ITGA2B: variants seen among roughly 807,000 people sequenced by gnomAD.
ITGA2B encodes integrin subunit alpha 2b, also known as integrin alpha-IIb.
Under a neutral mutation model 142.0 loss-of-function variants are expected in ITGA2B, and 91 were observed. The ratio of observed to expected loss-of-function variants is 0.64; its 90% CI spans 0.54 to 0.76. ITGA2B has a LOEUF of 0.76. Among genes scored for constraint, ITGA2B ranks in the 30% least tolerant of loss-of-function variants. The pLI is 0.00. For synonymous variants in ITGA2B, 536 were observed against 567.2 expected, an observed-to-expected ratio of 0.94 and a Z score of 0.78; for missense variants, 1,231 against 1,350.8, an observed-to-expected ratio of 0.91 and a Z score of 1.39.
intron 7 of ITGA2B, 67 bp downstream of exon 7, chr17:44,384,881 C>T: frequency 6.2e-7 from 1 of 1,610,166 alleles, no homozygotes; most frequent in Non-Finnish European, 8.5e-7. Context: ...CCCACAGGGG[C>T]AGGACCTGAC....
chr17:44,375,155 AC>A (rs1164774837), intron 26 of ITGA2B, 44 bp from the exon 27 acceptor site: 1 of 1,488,582 alleles, frequency 6.7e-7, no homozygotes, highest in South Asian at 1.2e-5. Context: ...CCGGCCCATC[AC>A]CCCATCATCC....
chr17:44,384,569 C>G lies in ITGA2B; in HGVS notation c.816G>C (p.Val272=), dbSNP rs1488970528. The G allele has an allele frequency of 1.2e-6, 2 of 1,614,094 alleles. No homozygotes were observed. Among genetic ancestry groups the G allele is most frequent in the African/African-American group, 2.7e-5 (2 of 75,058 alleles). ...TGTTGAGATCCCCGTCGAACTCGCC[C>G]ACGGCCACCGAGTACCCTGAGGACA... ...FDGYWGYSVA[V]GEFDGDLNTT... is the part of the protein sequence containing the mutation. The change falls in exon 8 of 30, where the codon GTG becomes GTC. Residue 272 remains valine (V), a synonymous_variant. Coordinates refer to ENST00000262407, the MANE Select transcript of ITGA2B (RefSeq NM_000419.5).
rs1373339618 is a variant in ITGA2B at position 44,375,883 on chromosome 17, G to A, written c.2551C>T (p.Pro851Ser). The A allele has an allele frequency of 6.2e-7, 1 of 1,607,486 alleles. No homozygotes were observed. Among genetic ancestry groups the A allele is most frequent in the Admixed American group, 1.7e-5 (1 of 58,398 alleles). Residue 851 changes from proline to serine, a missense_variant, in exon 25 of 30, where the codon CCC becomes TCC. Around this residue, in one of 3 missense-constraint regions of ITGA2B, gnomAD observed 908 missense variants for 1,021.1 expected, o/e 0.89. Transcript: ENST00000262407. Reference sequence around the variant, plus strand: ...GGGAAGCACTGAAGGCCCCCCTGGGGCTGTATATCCAGGATGTAGAGCAGG... The same window carrying A: ...GGGAAGCACTGAAGGCCCCCCTGGGACTGTATATCCAGGATGTAGAGCAGG... ...SDLLYILDIQ[P>S]QGGLQCFPQP...
At position 44,377,095 on chromosome 17, in the gene ITGA2B, G is replaced by C. The variant is rs850730; in HGVS notation, c.2188-7C>G. 589,346 of 1,559,216 alleles carry C rather than the reference G, an allele frequency of 0.38. 112,269 individuals carry two copies. Among genetic ancestry groups the C allele is most frequent in the East Asian group, 0.43 (18,226 of 42,530 alleles). On this transcript the variant is annotated splice_region_variant and splice_polypyrimidine_tract_variant and intron_variant, in intron 21 of 29. Transcript: ENST00000262407. ...CCAACATCGCGATTCCTATCTGGGA[G>C]ATGAGGAGGGCCAAGGTCACTGCCC...
chr17:44,378,286 C>A, intron 20 of ITGA2B, 76 bp downstream of exon 20: 2 of 1,531,372 alleles, frequency 1.3e-6, no homozygotes. Context: ...GAGGGACTCT[C>A]AGGGAGGGAG....
At chr17:44,384,836 C>A in intron 7 of ITGA2B, 112 bp downstream of exon 7, 1 of 1,544,396 alleles carries the variant, frequency 6.5e-7, no homozygotes, top group Non-Finnish European at 8.9e-7. Flanking sequence ...GCGGCTTAGG[C>A]GGTGGGTTGG....
rs1439606623 is a variant in ITGA2B at position 44,375,113 on chromosome 17, T to C, written c.2728-2A>G. On this transcript the variant is annotated splice_acceptor_variant, in intron 26 of 29. Transcript: ENST00000262407. LOFTEE classifies it high-confidence loss of function. ...AGTACAGGGCGCCGAGTCGCAGCTC[T>C]GAGGGGAAGCATCGTCAGTCCCCAG... 2 of 1,548,506 alleles carry C rather than the reference T, an allele frequency of 1.3e-6. No homozygotes were observed. The highest frequency in any genetic ancestry group is 1.7e-6 in the Non-Finnish European group (2 of 1,146,386).
At chr17:44,376,516 A>G in intron 22 of ITGA2B, 128 bp from the exon 23 acceptor site, 1 of 809,904 alleles carries the variant, frequency 1.2e-6, no homozygotes, top group South Asian at 1.4e-5. Flanking sequence ...CACTGAAGTT[A>G]GACCTGGGAA....
In ITGA2B at chr17:44,385,346, CA is replaced by C; in HGVS notation, c.575-12del. The C allele has an allele frequency of 6.2e-7, 1 of 1,609,008 alleles. No individual in the cohort carries two copies. The highest frequency in any genetic ancestry group is 2.1e-4 in the Middle Eastern group (1 of 4,830). ...AACGCTTGTCCCAGCCTGCAGGAGACAAGGAGGAGGGGTCAGCGCAGGGGTG... is the reference window on the plus strand; with the variant it reads ...AACGCTTGTCCCAGCCTGCAGGAGACAGGAGGAGGGGTCAGCGCAGGGGTG... On this transcript the variant is annotated splice_polypyrimidine_tract_variant and intron_variant, in intron 4 of 29. Coordinates refer to ENST00000262407, the MANE Select transcript of ITGA2B (RefSeq NM_000419.5).
rs2048521105 is a variant in ITGA2B at position 44,374,414 on chromosome 17, C to G, written c.3000G>C (p.Val1000=). The change falls in exon 29 of 30, where the codon GTG becomes GTC. Residue 1000 remains valine (V), a synonymous_variant. Coordinates refer to ENST00000262407, the MANE Select transcript of ITGA2B (RefSeq NM_000419.5). ...LEERAIPIWW[V]LVGVLGGLLL... is the part of the protein sequence containing the mutation. ...GCAGGCCACCCAGCACACCCACCAG[C>G]ACCCACCAGATTGGAATGGCCCTCT... 6.2e-7 allele frequency: 1 copy of G among 1,614,178 alleles called. No individual in the cohort carries two copies.
intron 12 of ITGA2B, 21 bp from the exon 13 acceptor site, chr17:44,381,082 G>A (rs763105202): frequency 2.1e-5 from 34 of 1,611,034 alleles, no homozygotes; most frequent in Non-Finnish European, 2.9e-5. Flanking sequence ...TAACAGAAAG[G>A]AAGTGGCTGA....
intron 1 of ITGA2B, among the ~76,000 whole-genome samples, chr17:44,386,885 G>A (rs570726238): frequency 6.6e-6 from 1 of 152,324 alleles, no homozygotes; most frequent in African/African-American, 2.4e-5. Flanking sequence ...TTGATCTCCA[G>A]GGCTCAAGCA....
Position 44,386,083 on chromosome 17 carries a change from C to A in ITGA2B, c.237G>T (p.Glu79Asp), listed in dbSNP as rs1434720400. Residue 79 changes from glutamate to aspartate, a missense_variant, in exon 2 of 30, where the codon GAG (glutamate) becomes GAT (aspartate). Glu to Asp is a conservative substitution (Grantham distance 45, BLOSUM62 2). This residue lies in a region of ITGA2B where 318 missense variants were observed against 312.2 expected (regional missense o/e 1.02). Transcript: ENST00000262407. Reference sequence around the variant, plus strand: ...GGCACAGGAACACGCCGCCCGTCTCCTCCTGGCTGGGGCCCAGGGTCCGCG... The same window carrying A: ...GGCACAGGAACACGCCGCCCGTCTCATCCTGGCTGGGGCCCAGGGTCCGCG... ...GAPRTLGPSQEETGGVFLCPW... is the reference protein window; with the variant it reads ...GAPRTLGPSQDETGGVFLCPW... 6.2e-7 allele frequency: 1 copy of A among 1,610,644 alleles called. No homozygotes were observed.
chr17:44,379,596 T>G, intron 18 of ITGA2B, 93 bp downstream of exon 18: 1 of 1,590,046 alleles, frequency 6.3e-7, no homozygotes, highest in Non-Finnish European at 8.6e-7. Flanking sequence ...ACATCAAGGT[T>G]TTGGGGTTCA....
intron 26 of ITGA2B, 125 bp from the exon 27 acceptor site, chr17:44,375,236 A>G: frequency 1.3e-6 from 1 of 792,284 alleles, no homozygotes; most frequent in Non-Finnish European, 2.1e-6. Flanking sequence ...CCTTCCCATC[A>G]GGAAGGGCCT....
At chr17:44,379,972 C>G (rs748309974) in intron 17 of ITGA2B, 30 bp downstream of exon 17, 3 of 1,613,004 alleles carry the variant, frequency 1.9e-6, no homozygotes, top group Non-Finnish European at 2.5e-6. Flanking sequence ...TCTACTCTCC[C>G]AGCCCTGCCA....
intron 1 of ITGA2B, 79 bp downstream of exon 1, chr17:44,389,207 G>C (rs2048676935): frequency 1.3e-6 from 2 of 1,506,274 alleles, no homozygotes; most frequent in East Asian, 4.5e-5. Context: ...ATCGCAAATG[G>C]GAAACTCGAA....
At chr17:44,377,330 T>C (rs1218664497) in intron 21 of ITGA2B, among the ~76,000 whole-genome samples, 3 of 152,028 alleles carry the variant, frequency 2.0e-5, no homozygotes, top group African/African-American at 7.2e-5. Flanking sequence ...CGAGTAGCTC[T>C]GACTATAGGC....
chr17:44,384,553 C>A lies in ITGA2B; in HGVS notation c.832G>T (p.Asp278Tyr). ...YSVAVGEFDG[D>Y]LNTTEYVVGA... ...GATTTCTTGCCTGTAGTGTTGAGAT[C>A]CCCGTCGAACTCGCCCACGGCCACC... The change falls in exon 8 of 30, where the codon GAT becomes TAT. Residue 278 changes from aspartate (D) to tyrosine (Y), a missense_variant. Transcript: ENST00000262407. 6.2e-7 allele frequency: 1 copy of A among 1,614,088 alleles called. No homozygotes were observed. Among genetic ancestry groups the A allele is most frequent in the South Asian group, 1.1e-5 (1 of 91,084 alleles).
Sources: gnomAD v4.1 joint callset for allele counts (sites outside exome capture counted in the v4.1 genomes callset) on GRCh38, gnomAD v4.1.1 for gene constraint, gnomAD v4.1.1 regional missense constraint, MANE v1.5 for transcripts, NCBI Gene and HGNC (gene_info 2026-07-23, HGNC 2026-07-21) for gene names.